RBMS3: variants seen among roughly 807,000 people sequenced by gnomAD.
The protein encoded by RBMS3 is RNA-binding motif, single-stranded-interacting protein 3.
Under a neutral mutation model 66.8 loss-of-function variants are expected in RBMS3, and 27 were observed. The observed-to-expected ratio is 0.40, with a 90% CI of 0.30 to 0.56. The LOEUF is 0.56. Among genes scored for constraint, RBMS3 ranks in the 20% least tolerant of loss-of-function variants. RBMS3 has a pLI of 0.40. For synonymous variants in RBMS3, 188 were observed against 183.0 expected (o/e 1.03, Z -0.22); for missense variants, 513 against 549.5 (o/e 0.93, Z 0.66).
intron 1 of RBMS3, among the ~76,000 whole-genome samples, chr3:29,423,636 G>T (rs2040835591): frequency 6.6e-6 from 1 of 152,168 alleles, no homozygotes; most frequent in Admixed American, 6.5e-5. Context: ...TTGTCCAGTA[G>T]AACTTTCTGT....
chr3:29,592,935 A>G (rs2047803172), intron 4 of RBMS3, among the ~76,000 whole-genome samples: 1 of 144,366 alleles, frequency 6.9e-6, no homozygotes, highest in South Asian at 2.2e-4. Context: ...GCATGTTCTC[A>G]CTCATAGGTG....
chr3:29,866,584 A>G (rs1417904183), intron 6 of RBMS3, among the ~76,000 whole-genome samples: 1 of 152,224 alleles, frequency 6.6e-6, no homozygotes, highest in Non-Finnish European at 1.5e-5. Flanking sequence ...GAGAAAATAT[A>G]GAGCAGGATG....
intron 10 of RBMS3, among the ~76,000 whole-genome samples, chr3:29,904,346 T>C (rs1157006737): frequency 1.3e-5 from 2 of 151,998 alleles, no homozygotes; most frequent in African/African-American, 2.4e-5. Context: ...TTTATATGCA[T>C]ATGAAATTAT....
At chr3:29,866,758 A>G (rs2059373149) in intron 6 of RBMS3, among the ~76,000 whole-genome samples, 1 of 152,204 alleles carries the variant, frequency 6.6e-6, no homozygotes, top group Non-Finnish European at 1.5e-5. Context: ...AATTTACAGT[A>G]CTTCTAACAT....
intron 4 of RBMS3, among the ~76,000 whole-genome samples, chr3:29,681,387 G>GCAGCATGTT (rs2149260516): frequency 6.6e-6 from 1 of 152,030 alleles, no homozygotes; most frequent in East Asian, 1.9e-4. Context: ...TGCAGCATGT[G>GCAGCATGTT]CAGGTTTGTT....
chr3:29,628,247 T>C (rs1383909624), intron 4 of RBMS3, among the ~76,000 whole-genome samples: 6 of 152,168 alleles, frequency 3.9e-5, no homozygotes, highest in Non-Finnish European at 8.8e-5. Flanking sequence ...TTCATGATTT[T>C]GTGTAAACAA....
intron 12 of RBMS3, among the ~76,000 whole-genome samples, chr3:29,964,802 AT>A (rs906723097): frequency 1.3e-4 from 19 of 151,960 alleles, no homozygotes; most frequent in African/African-American, 4.6e-4. Flanking sequence ...GATTTGTGAA[AT>A]TTTGGTGCAC....
chr3:29,607,410 G>T (rs962979811), intron 4 of RBMS3, among the ~76,000 whole-genome samples: 1 of 151,864 alleles, frequency 6.6e-6, no homozygotes, highest in Non-Finnish European at 1.5e-5. Context: ...CCTTCCAGCT[G>T]TGTCCTCACA....
intron 6 of RBMS3, among the ~76,000 whole-genome samples, chr3:29,866,087 A>AAG (rs1443118882): frequency 2.6e-5 from 4 of 151,540 alleles, no homozygotes; most frequent in Admixed American, 2.0e-4. Context: ...TAAAAAAAAA[A>AAG]AAAAAAAAAA....
At chr3:29,973,709 C>G (rs956644091) in intron 12 of RBMS3, among the ~76,000 whole-genome samples, 5 of 151,958 alleles carry the variant, frequency 3.3e-5, no homozygotes, top group Non-Finnish European at 7.4e-5. Flanking sequence ...TCTATTCTAT[C>G]CTAGAATTTA....
intron 6 of RBMS3, among the ~76,000 whole-genome samples, chr3:29,867,711 C>T (rs2059395240): frequency 6.6e-6 from 1 of 150,746 alleles, no homozygotes; most frequent in Admixed American, 6.6e-5. Context: ...TGGGGTCAGA[C>T]CTAGAGTCAG....
rs2057343323 is a variant in RBMS3 at position 29,800,150 on chromosome 3, TCA to T, written c.637+37162_637+37163del. On this transcript the variant is annotated intron_variant, in intron 6 of 14. Coordinates refer to ENST00000383767, the MANE Select transcript of RBMS3 (RefSeq NM_001003793.3). ...TCTGATACAGTGCAGGGAAAAATAT[TCA>T]GTTTTATTCACTCCCTGCCCTTTTG... Among the ~76,000 whole-genome samples the T allele has an allele frequency of 2.0e-5, 3 of 152,294 alleles. No homozygotes were observed. In the South Asian group the frequency reaches 6.2e-4, roughly 32 times the overall value.
At chr3:29,816,059 T>C (rs2057885360) in intron 6 of RBMS3, among the ~76,000 whole-genome samples, 1 of 152,196 alleles carries the variant, frequency 6.6e-6, no homozygotes, top group Admixed American at 6.5e-5. Context: ...TAATTTTTAG[T>C]AATTTCATAG....
At chr3:29,451,539 C>T (rs1176813333) in intron 2 of RBMS3, among the ~76,000 whole-genome samples, 1 of 152,076 alleles carries the variant, frequency 6.6e-6, no homozygotes, top group African/African-American at 2.4e-5. Flanking sequence ...CTACAATATC[C>T]TCAGCTTTCC....
chr3:29,603,501 T>C (rs1047104171), intron 4 of RBMS3, among the ~76,000 whole-genome samples: 51 of 151,942 alleles, frequency 3.4e-4, no homozygotes, highest in Admixed American at 3.4e-3. Flanking sequence ...TTGGAGACAT[T>C]TGTGGTTCTC....
intron 5 of RBMS3, among the ~76,000 whole-genome samples, chr3:29,744,762 C>G (rs561881709): frequency 1.4e-5 from 2 of 141,256 alleles, no homozygotes; most frequent in South Asian, 4.5e-4. Context: ...CCAGCCCGCA[C>G]GATAGTGTAA....
At chr3:29,416,602 A>G (rs912394987) in intron 1 of RBMS3, among the ~76,000 whole-genome samples, 14 of 152,004 alleles carry the variant, frequency 9.2e-5, no homozygotes, top group Non-Finnish European at 1.5e-4. Flanking sequence ...AAGTTGGGTA[A>G]GAGATGCATT....
At chr3:29,524,414 C>CTTTT (rs2044992491) in intron 3 of RBMS3, among the ~76,000 whole-genome samples, 2 of 90,582 alleles carry the variant, frequency 2.2e-5, no homozygotes, top group African/African-American at 8.3e-5. Flanking sequence ...ACTCCCTTTA[C>CTTTT]ATTTTTTTTT....
intron 10 of RBMS3, chr3:29,903,192 T>A (rs1021231996): frequency 3.3e-5 from 5 of 151,814 alleles, no homozygotes; most frequent in Non-Finnish European, 7.4e-5. Context: ...ATTCTGATGT[T>A]TTGGAAAGAA....
Sources: allele counts gnomAD v4.1 joint callset (sites outside exome capture counted in the v4.1 genomes callset), GRCh38; gene constraint gnomAD v4.1.1; transcripts MANE v1.5; gene names NCBI Gene and HGNC (gene_info 2026-07-23, HGNC 2026-07-21).